The following SHISA9 variants were observed in gnomAD, a reference collection of about 807,000 sequenced individuals.
SHISA9 encodes protein shisa-9.
A neutral mutation model predicts 38.0 loss-of-function variants in SHISA9; 13 were observed. That is an observed-to-expected ratio of 0.34 (90% CI 0.22 to 0.54). The LOEUF (loss-of-function observed/expected upper bound fraction) is 0.54, where lower values mean the gene tolerates loss of function less well. Ranked by LOEUF, SHISA9 falls within the 20% of genes least tolerant of loss-of-function variation. The probability of loss-of-function intolerance (pLI) is 0.91; values close to 1 mark genes in which losing one functional copy is unlikely to be tolerated. For synonymous variants in SHISA9, 275 were observed against 242.0 expected (o/e 1.14, Z -1.27); for missense variants, 538 against 575.8 (o/e 0.93, Z 0.67).
At chr16:13,354,692 C>G in the SHISA9 span, among the ~76,000 whole-genome samples, 3 of 151,806 alleles carry the variant, frequency 2.0e-5, no homozygotes, top group Admixed American at 6.6e-5. Flanking sequence ...ACAGTAAGGT[C>G]AAGTTGTTTG....
At chr16:13,399,890 C>G in the SHISA9 span, among the ~76,000 whole-genome samples, 3 of 152,168 alleles carry the variant, frequency 2.0e-5, no homozygotes, top group East Asian at 5.8e-4. Context: ...GTAGAAGATA[C>G]TTGTAGTGGG....
At chr16:13,436,286 G>A in the SHISA9 span, among the ~76,000 whole-genome samples, 11 of 152,342 alleles carry the variant, frequency 7.2e-5, no homozygotes, top group South Asian at 1.7e-3. Flanking sequence ...CCAAGATGGC[G>A]ACTAAAAGTG....
At position 13,235,374 on chromosome 16, in the gene SHISA9, T is replaced by G. The variant is rs541060730; in HGVS notation, c.1240T>G (p.Phe414Val). Residue 414 changes from phenylalanine to valine, a missense_variant, in exon 5 of 5, where the codon TTC becomes GTC. Phe to Val is a conservative substitution (Grantham distance 50, BLOSUM62 -1). Coordinates refer to ENST00000558583, the MANE Select transcript of SHISA9 (RefSeq NM_001145204.3). The stretch of plus-strand genomic sequence containing the variant: ...GCACTACCCACCCCCACAGCCATAC[T>G]TCATCACCAACAGCAAAACAGAAGT... The part of the protein sequence containing the change: ...PQHYPPPQPY[F>V]ITNSKTEVTV 1.3e-6 allele frequency: 2 copies of G among 1,540,080 alleles called. No homozygotes were observed. Among genetic ancestry groups the G allele is most frequent in the East Asian group, 2.4e-5 (1 of 40,892 alleles).
At chr16:12,925,046 G>T (rs551278398) in intron 2 of SHISA9, among the ~76,000 whole-genome samples, 1 of 148,328 alleles carries the variant, frequency 6.7e-6, no homozygotes, top group Non-Finnish European at 1.5e-5. Context: ...CTATTGGTGC[G>T]AAAGTTGGCT....
the SHISA9 span, among the ~76,000 whole-genome samples, chr16:13,440,727 T>C: frequency 6.6e-6 from 1 of 152,060 alleles, no homozygotes; most frequent in Non-Finnish European, 1.5e-5. Flanking sequence ...ATCGAGACCA[T>C]CCTGCCCAAC....
intron 2 of SHISA9, among the ~76,000 whole-genome samples, chr16:13,108,363 C>T (rs1217832003): frequency 6.6e-6 from 1 of 152,142 alleles, no homozygotes; most frequent in African/African-American, 2.4e-5. Context: ...TTCCTAAGCT[C>T]AAGCAATCCT....
At chr16:13,540,654 C>T in the SHISA9 span, among the ~76,000 whole-genome samples, 3 of 152,250 alleles carry the variant, frequency 2.0e-5, no homozygotes, top group South Asian at 2.1e-4. Flanking sequence ...GGATTTTCTT[C>T]GGAAACCAAG....
intron 2 of SHISA9, among the ~76,000 whole-genome samples, chr16:13,098,641 T>A (rs1299535815): frequency 6.6e-6 from 1 of 152,194 alleles, no homozygotes; most frequent in Non-Finnish European, 1.5e-5. Flanking sequence ...ACTTGAGTGG[T>A]TTCTGGAGGC....
chr16:13,290,866 C>T, the SHISA9 span, among the ~76,000 whole-genome samples: 1 of 152,146 alleles, frequency 6.6e-6, no homozygotes, highest in Non-Finnish European at 1.5e-5. Context: ...ATTTTACTCG[C>T]TTATAAACAC....
At chr16:13,368,066 C>G in the SHISA9 span, among the ~76,000 whole-genome samples, 1 of 152,244 alleles carries the variant, frequency 6.6e-6, no homozygotes, top group South Asian at 2.1e-4. Context: ...CTCTAAAAAA[C>G]CTCACAGATT....
At chr16:13,388,031 A>G in the SHISA9 span, among the ~76,000 whole-genome samples, 1 of 152,022 alleles carries the variant, frequency 6.6e-6, no homozygotes. Flanking sequence ...AAGCCTTGGT[A>G]TTTCCATGCT....
At position 13,211,735 on chromosome 16, in the gene SHISA9, A is replaced by G. The variant is rs1422765803; in HGVS notation, c.848-1518A>G. Among the ~76,000 whole-genome samples, 4 of 152,246 alleles carry G rather than the reference A, an allele frequency of 2.6e-5. No individual in the cohort carries two copies. The South Asian group carries it at 6.2e-4, about 24-fold the overall frequency. ...TTCATTATTGTAATAGCTAAGCCCT[A>G]TCTGAGCTAATGGGAACAGAGGTGA... On this transcript the variant is annotated intron_variant, in intron 3 of 4. Coordinates refer to ENST00000558583, the MANE Select transcript of SHISA9 (RefSeq NM_001145204.3).
chr16:13,354,654 T>C, the SHISA9 span, among the ~76,000 whole-genome samples: 1 of 150,596 alleles, frequency 6.6e-6, no homozygotes, highest in East Asian at 2.1e-4. Flanking sequence ...CGGCAGCCGC[T>C]GCACGCACAC....
chr16:13,428,257 A>G, the SHISA9 span, among the ~76,000 whole-genome samples: 5 of 152,158 alleles, frequency 3.3e-5, no homozygotes, highest in Non-Finnish European at 7.3e-5. Context: ...GAAGCTGATT[A>G]TTTGTGCTTA....
At chr16:13,222,179 C>T in intron 4 of SHISA9, among the ~76,000 whole-genome samples, 1 of 152,116 alleles carries the variant, frequency 6.6e-6, no homozygotes, top group East Asian at 1.9e-4. Flanking sequence ...TCAGTTACCT[C>T]CCACCAGGTC....
At chr16:13,176,142 T>C (rs1596703918) in intron 2 of SHISA9, among the ~76,000 whole-genome samples, 1 of 152,168 alleles carries the variant, frequency 6.6e-6, no homozygotes, top group Non-Finnish European at 1.5e-5. Context: ...AAAACCTCTA[T>C]TAGTTGATTA....
chr16:13,123,945 A>G (rs1175705557), intron 2 of SHISA9, among the ~76,000 whole-genome samples: 1 of 152,202 alleles, frequency 6.6e-6, no homozygotes, highest in African/African-American at 2.4e-5. Flanking sequence ...AACATTATTA[A>G]AGTGCTTTGC....
At chr16:12,973,299 G>A (rs1197787920) in intron 2 of SHISA9, among the ~76,000 whole-genome samples, 1 of 152,170 alleles carries the variant, frequency 6.6e-6, no homozygotes, top group Non-Finnish European at 1.5e-5. Flanking sequence ...GGAATGATAT[G>A]GGATCAGGAG....
At chr16:13,408,738 G>A in the SHISA9 span, among the ~76,000 whole-genome samples, 1 of 152,116 alleles carries the variant, frequency 6.6e-6, no homozygotes, top group East Asian at 1.9e-4. Flanking sequence ...TTTCTCCTCT[G>A]TACGTACATT....
Sources: allele counts gnomAD v4.1 joint callset (sites outside exome capture counted in the v4.1 genomes callset), GRCh38; gene constraint gnomAD v4.1.1; transcripts MANE v1.5; gene names NCBI Gene and HGNC (gene_info 2026-07-23, HGNC 2026-07-21).